UBXN2A: variants seen among roughly 807,000 people sequenced by gnomAD.
The protein encoded by UBXN2A is UBX domain protein 2A.
UBXN2A carries 28 observed loss-of-function variants against 28.4 expected under a neutral mutation model. That is an observed-to-expected ratio of 0.99 (90% CI 0.73 to 1.35). UBXN2A has a LOEUF of 1.35. Among genes scored for constraint, UBXN2A ranks in the 40% most tolerant of loss-of-function variants. The probability of loss-of-function intolerance (pLI) is 0.00; values close to 1 mark genes in which losing one functional copy is unlikely to be tolerated. For missense variants in UBXN2A, 253 were observed against 297.9 expected (o/e 0.85, Z 1.11); for synonymous variants, 97 against 103.6 (o/e 0.94, Z 0.39).
intron 4 of UBXN2A, among the ~76,000 whole-genome samples, chr2:23,977,665 A>G (rs1188391483): frequency 1.3e-5 from 2 of 152,228 alleles, no homozygotes; most frequent in African/African-American, 2.4e-5. Flanking sequence ...AACAAAAAAA[A>G]CAACGAGCTG....
Position 23,958,360 on chromosome 2 carries a change from G to T in UBXN2A, c.41+5G>T, listed in dbSNP as rs987948396. 2 of 1,602,912 alleles carry T rather than the reference G, an allele frequency of 1.2e-6. No homozygotes were observed. Among genetic ancestry groups the T allele is most frequent in the Non-Finnish European group, 1.7e-6 (2 of 1,176,338 alleles). ...CAAAAGTATAAAAGAAGAATGGTAA[G>T]TTAATTCAAACTGAATTGCTTTGTT... On this transcript the variant is annotated splice_donor_5th_base_variant and intron_variant, in intron 2 of 6. Coordinates refer to ENST00000309033, the MANE Select transcript of UBXN2A (RefSeq NM_181713.4).
chr2:23,990,737 GC>G (rs1405581464), intron 6 of UBXN2A, among the ~76,000 whole-genome samples: 3 of 150,274 alleles, frequency 2.0e-5, no homozygotes, highest in Admixed American at 6.7e-5. Flanking sequence ...TCACACCACT[GC>G]ACTCCAGCCT....
chr2:23,933,724 A>C (rs1489889173), intron 1 of UBXN2A, among the ~76,000 whole-genome samples: 1 of 151,900 alleles, frequency 6.6e-6, no homozygotes, highest in Non-Finnish European at 1.5e-5. Flanking sequence ...CCTGTCTCAA[A>C]AGAAAAAAAA....
rs576112589 is a variant in UBXN2A at position 23,931,120 on chromosome 2, C to G, written c.-138+3505C>G. Among the ~76,000 whole-genome samples the G allele has an allele frequency of 2.6e-3, 397 of 152,172 alleles. 1 individual carries two copies. Among genetic ancestry groups the G allele is most frequent in the Non-Finnish European group, 4.3e-3 (291 of 68,002 alleles). ...AGCCAAGATCACTCTGCACTGCACT[C>G]CAGCCTGGGCGACAGAGCAAGATTC... On this transcript the variant is annotated intron_variant, in intron 1 of 7. Transcript: ENST00000404924.
chr2:23,949,902 G>A (rs866330190), intron 1 of UBXN2A, among the ~76,000 whole-genome samples: 4 of 151,642 alleles, frequency 2.6e-5, no homozygotes, highest in Non-Finnish European at 4.4e-5. Flanking sequence ...TTGTATAAAT[G>A]TGTGGGGTAC....
chr2:23,979,338 C>CGAAA (rs1214850171), intron 4 of UBXN2A, among the ~76,000 whole-genome samples: 1 of 151,546 alleles, frequency 6.6e-6, no homozygotes, highest in Non-Finnish European at 1.5e-5. Context: ...GAGCGAGACT[C>CGAAA]TGTCTCAAAA....
chr2:23,974,016 ATT>A (rs71395170), intron 3 of UBXN2A, among the ~76,000 whole-genome samples: 5 of 140,436 alleles, frequency 3.6e-5, no homozygotes, highest in Admixed American at 7.4e-5. Context: ...AAAATGATTA[ATT>A]TTTTTTTTTT....
chr2:23,964,505 C>T (rs868348517), intron 2 of UBXN2A, among the ~76,000 whole-genome samples: 4 of 152,144 alleles, frequency 2.6e-5, no homozygotes, highest in Admixed American at 2.0e-4. Flanking sequence ...CCACCACGCT[C>T]GGCTATTCAG....
chr2:23,930,692 A>T (rs889155033), intron 1 of UBXN2A, among the ~76,000 whole-genome samples: 1 of 152,104 alleles, frequency 6.6e-6, no homozygotes, highest in Non-Finnish European at 1.5e-5. Flanking sequence ...GTGACACCCC[A>T]TCTCTATAAA....
chr2:24,001,971 A>G lies in UBXN2A; in HGVS notation c.*2104A>G, dbSNP rs1708732907. The G allele has an allele frequency of 6.6e-6, 1 of 150,962 alleles. No individual in the cohort carries two copies. The highest frequency in any genetic ancestry group is 2.4e-5 in the African/African-American group (1 of 40,826). 9.4% of individuals were successfully genotyped at this position (150,962 alleles called of 1,614,324 possible). A position where few individuals can be genotyped will look rare whatever the true frequency, so the allele number is the denominator to read the frequency against. Reference sequence around the variant, plus strand: ...CGAGACTCTTTCTCAAAAAAAAAAAATTATTCATTTAAAAATAACTTCTGG... The same window carrying G: ...CGAGACTCTTTCTCAAAAAAAAAAAGTTATTCATTTAAAAATAACTTCTGG... On this transcript the variant is annotated 3_prime_UTR_variant, in exon 7 of 7. Transcript: ENST00000309033.
At chr2:23,977,341 C>T (rs888368726) in intron 4 of UBXN2A, 1 of 1,124 alleles carries the variant, frequency 8.9e-4, no homozygotes, top group Non-Finnish European at 1.9e-3. Flanking sequence ...AAAAAAAAGG[C>T]GGGGGTCGGG....
At chr2:23,950,828 C>T (rs1440431807) in intron 1 of UBXN2A, among the ~76,000 whole-genome samples, 2 of 151,920 alleles carry the variant, frequency 1.3e-5, no homozygotes, top group Middle Eastern at 3.2e-3. Flanking sequence ...CTCAGACTCC[C>T]GAGTAGTTGG....
intron 1 of UBXN2A, among the ~76,000 whole-genome samples, chr2:23,955,523 C>G (rs889890645): frequency 6.6e-6 from 1 of 152,098 alleles, no homozygotes; most frequent in African/African-American, 2.4e-5. Context: ...TAATGAAGGG[C>G]ATACATTCTG....
At chr2:23,984,315 T>G (rs1708035547) in intron 5 of UBXN2A, among the ~76,000 whole-genome samples, 2 of 152,118 alleles carry the variant, frequency 1.3e-5, no homozygotes, top group Non-Finnish European at 2.9e-5. Context: ...CTAAGCTCAA[T>G]AAAGAACTTA....
At chr2:23,985,308 G>T (rs1708082187) in intron 6 of UBXN2A, among the ~76,000 whole-genome samples, 2 of 152,020 alleles carry the variant, frequency 1.3e-5, no homozygotes, top group Admixed American at 1.3e-4. Flanking sequence ...GAGTGTAGTG[G>T]CACGATCTCA....
intron 1 of UBXN2A, among the ~76,000 whole-genome samples, chr2:23,931,504 A>G (rs945359049): frequency 6.6e-6 from 1 of 152,124 alleles, no homozygotes; most frequent in Non-Finnish European, 1.5e-5. Flanking sequence ...TCTACAGTAC[A>G]TACTAGAGGA....
At chr2:23,999,586 C>G (rs1708662888) in intron 6 of UBXN2A, 86 bp from the exon 7 acceptor site, 8 of 1,383,154 alleles carry the variant, frequency 5.8e-6, no homozygotes, top group Non-Finnish European at 8.0e-6. Context: ...ATAACATATC[C>G]AGATACTTTT....
At chr2:23,952,737 A>G (rs1218695918) in intron 1 of UBXN2A, among the ~76,000 whole-genome samples, 1 of 152,146 alleles carries the variant, frequency 6.6e-6, no homozygotes, top group Non-Finnish European at 1.5e-5. Flanking sequence ...GCTACCACAC[A>G]CAGCCAAATT....
At chr2:23,929,338 G>T (rs1191025813) in intron 1 of UBXN2A, among the ~76,000 whole-genome samples, 1 of 151,802 alleles carries the variant, frequency 6.6e-6, no homozygotes, top group Non-Finnish European at 1.5e-5. Context: ...GGATGTCCAG[G>T]CTGCAGTGAG....
Sources: allele counts gnomAD v4.1 joint callset (sites outside exome capture counted in the v4.1 genomes callset), GRCh38; gene constraint gnomAD v4.1.1; transcripts MANE v1.5; gene names NCBI Gene and HGNC (gene_info 2026-07-23, HGNC 2026-07-21).